ADAMTS3: variants seen among roughly 807,000 people sequenced by gnomAD.
ADAMTS3 encodes A disintegrin and metalloproteinase with thrombospondin motifs 3.
A neutral mutation model predicts 129.0 loss-of-function variants in ADAMTS3; 73 were observed. The ratio of observed to expected loss-of-function variants is 0.57; its 90% CI spans 0.47 to 0.69. The LOEUF is 0.69. ADAMTS3 is among the 30% of genes least tolerant of loss of function. ADAMTS3 has a pLI of 0.00. For synonymous variants in ADAMTS3, 477 were observed against 510.8 expected (o/e 0.93, Z 0.89); for missense variants, 1,457 against 1,514.5 (o/e 0.96, Z 0.63).
chr4:72,373,620 T>C (rs1721066757), intron 4 of ADAMTS3, among the ~76,000 whole-genome samples: 1 of 152,064 alleles, frequency 6.6e-6, no homozygotes. Context: ...GGTGAGGGGC[T>C]GGGCATGTTG....
At chr4:72,379,548 A>C (rs192233632) in intron 4 of ADAMTS3, among the ~76,000 whole-genome samples, 10 of 152,274 alleles carry the variant, frequency 6.6e-5, no homozygotes, top group Admixed American at 6.5e-4. Context: ...AATAAGTTCA[A>C]GTCAATCATA....
At chr4:72,319,815 A>G (rs1488870845) in intron 8 of ADAMTS3, 43 bp downstream of exon 8, 1 of 1,471,068 alleles carries the variant, frequency 6.8e-7, no homozygotes, top group Admixed American at 1.7e-5. Context: ...AGCAGGAAAG[A>G]AAAGATCTTT....
intron 17 of ADAMTS3, among the ~76,000 whole-genome samples, chr4:72,302,183 A>C (rs1482272543): frequency 2.0e-5 from 3 of 152,096 alleles, no homozygotes; most frequent in Non-Finnish European, 4.4e-5. Context: ...AGTGTACAAG[A>C]AAAAAAGAAG....
chr4:72,334,073 T>C (rs867027030), intron 5 of ADAMTS3, among the ~76,000 whole-genome samples: 2 of 151,962 alleles, frequency 1.3e-5, no homozygotes, highest in Admixed American at 1.3e-4. Flanking sequence ...CAGGATGGTC[T>C]CAATTTCATG....
intron 21 of ADAMTS3, 62 bp downstream of exon 21, chr4:72,288,689 A>C: frequency 9.4e-7 from 1 of 1,064,842 alleles, no homozygotes. Context: ...TCTCAAAAGG[A>C]AATTCTGCTT....
At chr4:72,426,612 C>T (rs973125385) in intron 3 of ADAMTS3, among the ~76,000 whole-genome samples, 1 of 152,018 alleles carries the variant, frequency 6.6e-6, no homozygotes, top group Non-Finnish European at 1.5e-5. Flanking sequence ...ATTAGCTTGG[C>T]GAAGTGCTTC....
chr4:72,384,766 A>T (rs1721391360), intron 4 of ADAMTS3, among the ~76,000 whole-genome samples: 1 of 152,212 alleles, frequency 6.6e-6, no homozygotes, highest in Non-Finnish European at 1.5e-5. Context: ...GGGTAAATAT[A>T]AAATATTATT....
At chr4:72,522,977 G>T (rs1033874048) in intron 3 of ADAMTS3, among the ~76,000 whole-genome samples, 1 of 151,934 alleles carries the variant, frequency 6.6e-6, no homozygotes, top group Non-Finnish European at 1.5e-5. Context: ...CCACAAGAAA[G>T]AAAATAATAG....
intron 3 of ADAMTS3, among the ~76,000 whole-genome samples, chr4:72,465,095 CTTAG>C (rs1298516145): frequency 6.6e-6 from 1 of 151,930 alleles, no homozygotes; most frequent in Admixed American, 6.6e-5. Flanking sequence ...AACACCATTG[CTTAG>C]TTAGTGACAA....
intron 20 of ADAMTS3, 100 bp from the exon 21 acceptor site, chr4:72,288,968 A>ACACG: frequency 5.4e-6 from 4 of 738,998 alleles, no homozygotes; most frequent in South Asian, 1.7e-5. Context: ...ACACACACAC[A>ACACG]AAGACACAGA....
At position 72,319,908 on chromosome 4, in the gene ADAMTS3, A is replaced by T. The variant is rs755476380; in HGVS notation, c.1158T>A (p.His386Gln). ...CHPVRSCTLNHEDGFSSAFVV... is the reference protein window; with the variant it reads ...CHPVRSCTLNQEDGFSSAFVV... The stretch of plus-strand genomic sequence containing the variant: ...CAAAAGCAGATGAAAAACCATCCTC[A>T]TGATTCAGGGTACAACTTCTCACTG... Residue 386 changes from histidine (H) to glutamine (Q), a missense_variant, in exon 8 of 22, where the codon CAT (histidine) becomes CAA (glutamine). By Grantham distance (24) the His-to-Gln change is conservative. Coordinates refer to ENST00000286657, the MANE Select transcript of ADAMTS3 (RefSeq NM_014243.3). 7.4e-6 allele frequency: 12 copies of T among 1,613,850 alleles called. No individual in the cohort carries two copies. Among genetic ancestry groups the T allele is most frequent in the African/African-American group, 1.3e-5 (1 of 74,920 alleles).
intron 17 of ADAMTS3, among the ~76,000 whole-genome samples, chr4:72,303,463 G>A (rs1412428994): frequency 1.3e-5 from 2 of 152,010 alleles, no homozygotes; most frequent in Admixed American, 1.3e-4. Flanking sequence ...CTTCAAAAAT[G>A]AGGGTGAAAT....
intron 3 of ADAMTS3, among the ~76,000 whole-genome samples, chr4:72,511,945 G>T (rs1052544302): frequency 2.0e-5 from 3 of 152,146 alleles, no homozygotes; most frequent in Non-Finnish European, 4.4e-5. Flanking sequence ...AAAAGAACGA[G>T]AGCTTGTCAT....
chr4:72,463,359 T>A (rs1430291655), intron 3 of ADAMTS3, among the ~76,000 whole-genome samples: 1 of 152,022 alleles, frequency 6.6e-6, no homozygotes, highest in African/African-American at 2.4e-5. Context: ...AGCTCAGAAA[T>A]GACCAACCTC....
At chr4:72,513,786 C>A (rs766285422) in intron 3 of ADAMTS3, among the ~76,000 whole-genome samples, 1 of 152,020 alleles carries the variant, frequency 6.6e-6, no homozygotes, top group South Asian at 2.1e-4. Flanking sequence ...TACCCATCAC[C>A]CACATAGAGA....
At chr4:72,371,553 T>A (rs1357974016) in intron 4 of ADAMTS3, among the ~76,000 whole-genome samples, 2 of 151,666 alleles carry the variant, frequency 1.3e-5, no homozygotes, top group Non-Finnish European at 2.9e-5. Context: ...AAAATATATA[T>A]ATTTATAAGA....
At chr4:72,516,565 T>A (rs1274325465) in intron 3 of ADAMTS3, among the ~76,000 whole-genome samples, 2 of 152,140 alleles carry the variant, frequency 1.3e-5, no homozygotes, top group Non-Finnish European at 2.9e-5. Context: ...CCTTGTAAGT[T>A]GGATTCCTAA....
chr4:72,434,406 A>G (rs1160304309), intron 3 of ADAMTS3, among the ~76,000 whole-genome samples: 2 of 151,774 alleles, frequency 1.3e-5, no homozygotes, highest in Non-Finnish European at 2.9e-5. Context: ...TTTAACTCTT[A>G]ACTGATGTTC....
At chr4:72,305,094 T>C (rs1198509047) in intron 16 of ADAMTS3, among the ~76,000 whole-genome samples, 1 of 152,108 alleles carries the variant, frequency 6.6e-6, no homozygotes, top group Non-Finnish European at 1.5e-5. Flanking sequence ...AGTTGATACG[T>C]GATGTCTTAG....
Sources: allele counts gnomAD v4.1 joint callset (sites outside exome capture counted in the v4.1 genomes callset), GRCh38; gene constraint gnomAD v4.1.1; transcripts MANE v1.5; gene names NCBI Gene and HGNC (gene_info 2026-07-23, HGNC 2026-07-21).